CBLN2: variants seen among roughly 807,000 people sequenced by gnomAD.
CBLN2 encodes cerebellin-2.
CBLN2 carries 7 observed loss-of-function variants against 15.0 expected under a neutral mutation model. The observed-to-expected ratio is 0.47, with a 90% CI of 0.27 to 0.88. The LOEUF (loss-of-function observed/expected upper bound fraction) is 0.88, where lower values mean the gene tolerates loss of function less well. Ranked by LOEUF, CBLN2 falls within the 40% of genes least tolerant of loss-of-function variation. The pLI is 0.14. For missense variants in CBLN2, 242 were observed against 304.5 expected, an observed-to-expected ratio of 0.79 and a Z score of 1.53; for synonymous variants, 149 against 135.2, an observed-to-expected ratio of 1.10 and a Z score of -0.71.
chr18:72,619,217 A>C, intron 1 of CBLN2: 3 of 930,908 alleles, frequency 3.2e-6, no homozygotes, highest in South Asian at 2.5e-5. Context: ...GTGGCAGAAG[A>C]TTTTAATTAC....
At chr18:72,538,841 G>T in intron 3 of CBLN2, 69 bp from the exon 4 acceptor site, 1 of 1,573,150 alleles carries the variant, frequency 6.4e-7, no homozygotes, top group Admixed American at 1.8e-5. Context: ...CATCATCCTT[G>T]GATAACCAGC....
chr18:72,545,575 T>C (rs897960045), upstream of CBLN2, among the ~76,000 whole-genome samples: 33 of 152,244 alleles, frequency 2.2e-4, 1 homozygote, highest in African/African-American at 7.5e-4. Flanking sequence ...AATGCACTCT[T>C]ACTTTCAAAT....
chr18:72,591,002 T>C (rs1030249436), intron 1 of CBLN2, among the ~76,000 whole-genome samples: 5 of 152,236 alleles, frequency 3.3e-5, no homozygotes, highest in Non-Finnish European at 7.3e-5. Context: ...AAAGGGCTGC[T>C]GCTATATTTG....
chr18:72,566,162 G>A (rs2069293766), intron 1 of CBLN2, among the ~76,000 whole-genome samples: 2 of 152,086 alleles, frequency 1.3e-5, no homozygotes, highest in African/African-American at 4.8e-5. Flanking sequence ...AAAGACAAAA[G>A]ATCACAGGTG....
chr18:72,590,835 C>T (rs1003050483), intron 1 of CBLN2, among the ~76,000 whole-genome samples: 2 of 152,144 alleles, frequency 1.3e-5, no homozygotes, highest in African/African-American at 2.4e-5. Context: ...TCATAGAATA[C>T]TAAATGAAAT....
chr18:72,632,713 C>A (rs2069785168), intron 1 of CBLN2, among the ~76,000 whole-genome samples: 1 of 152,062 alleles, frequency 6.6e-6, no homozygotes, highest in South Asian at 2.1e-4. Flanking sequence ...CAAATGTTAC[C>A]CTCTAGGCAC....
intron 1 of CBLN2, among the ~76,000 whole-genome samples, chr18:72,554,719 C>T (rs1008829857): frequency 6.6e-6 from 1 of 151,958 alleles, no homozygotes; most frequent in African/African-American, 2.4e-5. Context: ...ATACGCTTAG[C>T]CAAAATTTCA....
chr18:72,627,983 C>A (rs1250258473), intron 1 of CBLN2, among the ~76,000 whole-genome samples: 1 of 152,128 alleles, frequency 6.6e-6, no homozygotes, highest in African/African-American at 2.4e-5. Flanking sequence ...CTGTCCCATT[C>A]TTTGCATTTT....
At chr18:72,553,541 T>C (rs671882) in intron 1 of CBLN2, among the ~76,000 whole-genome samples, 120,633 of 152,072 alleles carry the variant, frequency 0.79, 53,133 homozygotes, top group Non-Finnish European at 0.98. Context: ...ATTACAAATG[T>C]GTGCATATTT....
intron 1 of CBLN2, among the ~76,000 whole-genome samples, chr18:72,615,282 A>T (rs34074654): frequency 0.19 from 15,499 of 81,804 alleles, 2,110 homozygotes; most frequent in African/African-American, 0.36. Context: ...ATATATATAT[A>T]TTTTTTTTTT....
intron 1 of CBLN2, among the ~76,000 whole-genome samples, chr18:72,576,921 C>A (rs973257612): frequency 1.4e-5 from 2 of 147,360 alleles, no homozygotes; most frequent in Non-Finnish European, 3.0e-5. Context: ...CATTTATTTT[C>A]ATTCTAGAAT....
At chr18:72,614,789 T>C (rs1026831569) in intron 1 of CBLN2, among the ~76,000 whole-genome samples, 2 of 151,974 alleles carry the variant, frequency 1.3e-5, no homozygotes, top group African/African-American at 4.8e-5. Flanking sequence ...GGGTAATTTG[T>C]TTTTGATAAG....
chr18:72,587,339 GT>G (rs2069450614), intron 1 of CBLN2, among the ~76,000 whole-genome samples: 1 of 151,814 alleles, frequency 6.6e-6, no homozygotes. Flanking sequence ...CCTTTACTTT[GT>G]TTATCTAAAA....
chr18:72,550,431 T>G (rs969055385), intron 1 of CBLN2, among the ~76,000 whole-genome samples: 3 of 152,150 alleles, frequency 2.0e-5, no homozygotes, highest in Admixed American at 6.5e-5. Context: ...AAACAGCTGA[T>G]AGCAATCAGT....
chr18:72,597,552 T>C (rs1277331963), intron 1 of CBLN2, among the ~76,000 whole-genome samples: 1 of 152,188 alleles, frequency 6.6e-6, no homozygotes, highest in Non-Finnish European at 1.5e-5. Context: ...AGCCACTGCC[T>C]ATGTTCACTC....
chr18:72,590,407 T>C (rs1237097858), intron 1 of CBLN2, among the ~76,000 whole-genome samples: 1 of 151,918 alleles, frequency 6.6e-6, no homozygotes, highest in Non-Finnish European at 1.5e-5. Context: ...GATTGCACTA[T>C]TGCACTCCAG....
intron 1 of CBLN2, among the ~76,000 whole-genome samples, chr18:72,576,384 G>A (rs2069366614): frequency 6.6e-6 from 1 of 152,158 alleles, no homozygotes; most frequent in Non-Finnish European, 1.5e-5. Context: ...AGAGGTCAGA[G>A]CTTGTCCACC....
In CBLN2 at chr18:72,543,336, A is replaced by T. The variant is rs1325098359; in HGVS notation, c.-167+150T>A. 2.6e-6 allele frequency: 1 copy of T among 388,998 alleles called. No homozygotes were observed. 24.1% of individuals were successfully genotyped at this position (388,998 alleles called of 1,614,324 possible). A position where few individuals can be genotyped will look rare whatever the true frequency, so the allele number is the denominator to read the frequency against. On this transcript the variant is annotated intron_variant, in intron 2 of 4. Coordinates refer to ENST00000269503, the MANE Select transcript of CBLN2 (RefSeq NM_182511.4). The surrounding 1 kb of genome is among the most constrained non-coding windows in gnomAD (Gnocchi z 6.8). ...GAACAGAGAAGTTGGCTCTTGATAA[A>T]TATCCGCTGTCCGCAGCCCCGATCC...
At chr18:72,562,665 C>G (rs1250048330) in intron 1 of CBLN2, among the ~76,000 whole-genome samples, 3 of 152,138 alleles carry the variant, frequency 2.0e-5, no homozygotes, top group Admixed American at 2.0e-4. Context: ...ATGCTGAATG[C>G]ATATTTAGAG....
Sources: gnomAD v4.1 joint callset for allele counts (sites outside exome capture counted in the v4.1 genomes callset) on GRCh38, gnomAD v4.1.1 for gene constraint, Gnocchi (gnomAD v3.1) non-coding constraint, MANE v1.5 for transcripts, NCBI Gene and HGNC (gene_info 2026-07-23, HGNC 2026-07-21) for gene names.